Variants in MEF2A observed in about 807,000 individuals in gnomAD.
MEF2A encodes myocyte-specific enhancer factor 2A.
A neutral mutation model predicts 55.8 loss-of-function variants in MEF2A; 28 were observed. That is an observed-to-expected ratio of 0.50 (90% CI 0.37 to 0.69). MEF2A has a LOEUF of 0.69. MEF2A is among the 30% of genes least tolerant of loss of function. The pLI is 0.00. For missense variants in MEF2A, 528 were observed against 626.2 expected (o/e 0.84, Z 1.67); for synonymous variants, 239 against 227.1 (o/e 1.05, Z -0.47).
intron 2 of MEF2A, among the ~76,000 whole-genome samples, chr15:99,613,574 A>G (rs2039670869): frequency 6.6e-6 from 1 of 152,192 alleles, no homozygotes; most frequent in South Asian, 2.1e-4. Flanking sequence ...ACCTTGAAGC[A>G]GGAGTAGTAG....
chr15:99,687,598 C>A (rs532836034), intron 7 of MEF2A, among the ~76,000 whole-genome samples: 3 of 152,304 alleles, frequency 2.0e-5, no homozygotes, highest in African/African-American at 7.2e-5. Flanking sequence ...ATAATGCCTG[C>A]CTTCTCTTTT....
At chr15:99,620,700 A>G (rs1244185636) in intron 2 of MEF2A, among the ~76,000 whole-genome samples, 5 of 152,290 alleles carry the variant, frequency 3.3e-5, no homozygotes, top group South Asian at 4.1e-4. Flanking sequence ...TATATACCCA[A>G]TAATGGAATT....
chr15:99,711,166 G>A (rs966867341), intron 11 of MEF2A, among the ~76,000 whole-genome samples: 1 of 152,174 alleles, frequency 6.6e-6, no homozygotes, highest in Non-Finnish European at 1.5e-5. Flanking sequence ...CAGCCTGTAG[G>A]CATTCAGGCC....
At chr15:99,695,650 G>A (rs768789965) in intron 8 of MEF2A, among the ~76,000 whole-genome samples, 3 of 151,766 alleles carry the variant, frequency 2.0e-5, no homozygotes, top group African/African-American at 4.8e-5. Context: ...ACCTGAGGTC[G>A]AGAGTTCGAG....
In MEF2A at chr15:99,671,739, G is replaced by A. The variant is rs537819073; in HGVS notation, c.390+285G>A. On this transcript the variant is annotated intron_variant, in intron 5 of 11. Coordinates refer to ENST00000557942, the MANE Select transcript of MEF2A (RefSeq NM_001319206.4). Reference sequence around the variant, plus strand: ...CATCTTGTTGCTTATTTTTATAGTGGGTGATGACAACAATAAGTAGAAGGG... The same window carrying A: ...CATCTTGTTGCTTATTTTTATAGTGAGTGATGACAACAATAAGTAGAAGGG... The A allele has an allele frequency of 1.4e-5, 18 of 1,329,720 alleles. No homozygotes were observed. The African/African-American group carries it at 1.8e-4, about 13-fold the overall frequency. The allele number at this position is 1,329,720 out of a possible 1,614,324, so 82.4% of individuals were successfully genotyped here. A position where few individuals can be genotyped will look rare whatever the true frequency, so the allele number is the denominator to read the frequency against.
Position 99,714,632 on chromosome 15 carries a change from C to T in MEF2A, c.*1861C>T, listed in dbSNP as rs2058977276. ...GACAACTAATGGATGATAGCAAGTT[C>T]ATCCACTTACTGGGCTTGTGCCATG... On this transcript the variant is annotated 3_prime_UTR_variant, in exon 12 of 12. Coordinates refer to ENST00000557942, the MANE Select transcript of MEF2A (RefSeq NM_001319206.4). 6.6e-6 allele frequency: 1 copy of T among 152,170 alleles called. No homozygotes were observed. Among genetic ancestry groups the T allele is most frequent in the Admixed American group, 6.5e-5 (1 of 15,270 alleles). The allele number at this position is 152,170 out of a possible 1,614,324, so 9.4% of individuals were successfully genotyped here. A position where few individuals can be genotyped will look rare whatever the true frequency, so the allele number is the denominator to read the frequency against.
intron 4 of MEF2A, among the ~76,000 whole-genome samples, chr15:99,664,238 T>G (rs2049180239): frequency 6.6e-6 from 1 of 152,226 alleles, no homozygotes; most frequent in African/African-American, 2.4e-5. Flanking sequence ...CTTCTTTGAT[T>G]ATAAGGGATA....
In MEF2A at chr15:99,631,908, C is replaced by T. The variant is rs367969557; in HGVS notation, c.-142-1070C>T. Among the ~76,000 whole-genome samples the T allele has an allele frequency of 4.0e-4, 61 of 152,244 alleles. 1 individual carries two copies. In the South Asian group the frequency reaches 0.012, roughly 31 times the overall value. ...AATCACACACTGGATTTGCACAGTA[C>T]AATTGAAGTTTTATTGATACACATG... On this transcript the variant is annotated intron_variant, in intron 2 of 11. Transcript: ENST00000557942.
At position 99,710,750 on chromosome 15, in the gene MEF2A, A is replaced by G; in HGVS notation, c.1126A>G (p.Ser376Gly). The change falls in exon 11 of 12, where the codon AGC (serine) becomes GGC (glycine). Residue 376 changes from serine (S) to glycine (G), a missense_variant. Physicochemically the swap from Ser to Gly is moderately conservative, Grantham distance 56. Around this residue, in one of 2 missense-constraint regions of MEF2A, gnomAD observed 450 missense variants for 475.3 expected, o/e 0.95. Transcript: ENST00000557942. Reference protein sequence around the residue: ...QQHHLGQAALSSLVAGGQLSQ... With the variant: ...QQHHLGQAALGSLVAGGQLSQ... ...GCACCACCTAGGACAAGCAGCCCTC[A>G]GCTCTCTTGTGTGAGTAACTAGAAG... 1 of 1,603,992 alleles carries G rather than the reference A, an allele frequency of 6.2e-7. No individual in the cohort carries two copies. The highest frequency in any genetic ancestry group is 8.5e-7 in the Non-Finnish European group (1 of 1,171,514).
chr15:99,602,928 T>C (rs902577382), intron 2 of MEF2A, among the ~76,000 whole-genome samples: 2 of 152,112 alleles, frequency 1.3e-5, no homozygotes, highest in Non-Finnish European at 2.9e-5. Flanking sequence ...AAATAAGCTT[T>C]AGTTGTTTGT....
chr15:99,602,779 TGTGTG>T, intron 2 of MEF2A, among the ~76,000 whole-genome samples: 1 of 146,088 alleles, frequency 6.8e-6, no homozygotes, highest in East Asian at 2.0e-4. Context: ...TGTGTGTGTG[TGTGTG>T]TGTGTGTGTG....
chr15:99,591,341 T>C (rs1401449864), intron 1 of MEF2A, among the ~76,000 whole-genome samples: 1 of 152,224 alleles, frequency 6.6e-6, no homozygotes, highest in Non-Finnish European at 1.5e-5. Context: ...TTCTAGCACT[T>C]TACAGATGTA....
chr15:99,712,603 C>G lies in MEF2A; in HGVS notation c.1350C>G (p.Arg450=). 1.3e-6 allele frequency: 2 copies of G among 1,551,832 alleles called. No individual in the cohort carries two copies. The highest frequency in any genetic ancestry group is 1.7e-6 in the Non-Finnish European group (2 of 1,147,058). ...PQPQPRQEMG[R]SPVDSLSSSS... is the part of the protein sequence containing the mutation. ...CCCAGCCCCGACAGGAAATGGGGCG[C>G]TCCCCTGTGGACAGTCTGAGCAGCT... Residue 450 remains arginine, a synonymous_variant, in exon 12 of 12, where the codon CGC becomes CGG. Transcript: ENST00000557942. This position sits in a 1 kb window ranked among gnomAD's most constrained non-coding sequence, Gnocchi z 4.1.
chr15:99,570,914 G>T (rs946980028), intron 1 of MEF2A, among the ~76,000 whole-genome samples: 1 of 152,106 alleles, frequency 6.6e-6, no homozygotes, highest in African/African-American at 2.4e-5. Context: ...GCTGGGCGCG[G>T]TGGCTCATGC....
In MEF2A at chr15:99,710,637, A is replaced by G. The variant is rs752008306; in HGVS notation, c.1013A>G (p.Tyr338Cys). The G allele has an allele frequency of 6.2e-7, 1 of 1,609,806 alleles. No individual in the cohort carries two copies. The highest frequency in any genetic ancestry group is 1.1e-5 in the South Asian group (1 of 91,000). The change falls in exon 11 of 12, where the codon TAT (tyrosine) becomes TGT (cysteine). Residue 338 changes from tyrosine to cysteine, a missense_variant. By Grantham distance (194) the Tyr-to-Cys change is radical. This residue lies in a region of MEF2A where 450 missense variants were observed against 475.3 expected (regional missense o/e 0.95). Coordinates refer to ENST00000557942, the MANE Select transcript of MEF2A (RefSeq NM_001319206.4). ...GCCCTCTTGTCTTCCTTTGTAGATT[A>G]TTCACTGACCAGCGCTGACCTGTCA... ...SAMPTAYNTD[Y>C]SLTSADLSAL...
At chr15:99,675,501 A>G (rs1163427488) in intron 7 of MEF2A, 43 bp downstream of exon 7, 1 of 1,507,744 alleles carries the variant, frequency 6.6e-7, no homozygotes. Context: ...TATCTATCCT[A>G]TATGAGATCA....
chr15:99,671,750 CAAT>C, intron 5 of MEF2A: 1 of 1,275,532 alleles, frequency 7.8e-7, no homozygotes, highest in Non-Finnish European at 1.0e-6. Context: ...GTGATGACAA[CAAT>C]AAGTAGAAGG....
intron 3 of MEF2A, among the ~76,000 whole-genome samples, chr15:99,638,387 T>A (rs143692876): frequency 5.9e-5 from 9 of 152,312 alleles, no homozygotes; most frequent in African/African-American, 2.2e-4. Context: ...AGATATTGCT[T>A]GTGTCCCATT....
At chr15:99,665,274 G>A (rs1241639112) in intron 4 of MEF2A, among the ~76,000 whole-genome samples, 1 of 152,114 alleles carries the variant, frequency 6.6e-6, no homozygotes, top group Admixed American at 6.5e-5. Context: ...TTAAACTCAA[G>A]AGCCTTCCTA....
Sources: gnomAD v4.1 joint callset for allele counts (sites outside exome capture counted in the v4.1 genomes callset) on GRCh38, gnomAD v4.1.1 for gene constraint, gnomAD v4.1.1 regional missense constraint, Gnocchi (gnomAD v3.1) non-coding constraint, MANE v1.5 for transcripts, NCBI Gene and HGNC (gene_info 2026-07-23, HGNC 2026-07-21) for gene names.